PDSS2: variants seen among roughly 807,000 people sequenced by gnomAD.
PDSS2 encodes all trans-polyprenyl-diphosphate synthase PDSS2.
PDSS2 carries 31 observed loss-of-function variants against 44.5 expected under a neutral mutation model. The observed-to-expected ratio is 0.70, with a 90% confidence interval of 0.52 to 0.94. PDSS2 has a LOEUF of 0.94. Among genes scored for constraint, PDSS2 ranks in the 40% least tolerant of loss-of-function variants. The pLI is 0.00. For synonymous variants in PDSS2, 157 were observed against 180.3 expected (o/e 0.87, Z 1.03); for missense variants, 452 against 482.2 (o/e 0.94, Z 0.59).
chr6:107,444,937 G>T (rs181312857), intron 1 of PDSS2, among the ~76,000 whole-genome samples: 296 of 152,174 alleles, frequency 1.9e-3, no homozygotes, highest in African/African-American at 6.7e-3. Flanking sequence ...GAAGGCAAAA[G>T]CAAAAGGAGT....
At chr6:107,282,237 C>T (rs1054212440) in intron 2 of PDSS2, among the ~76,000 whole-genome samples, 1 of 152,254 alleles carries the variant, frequency 6.6e-6, no homozygotes, top group South Asian at 2.1e-4. Context: ...TAGGGCATCA[C>T]TATCATTCTT....
chr6:107,209,527 T>G (rs1402763335), intron 6 of PDSS2, among the ~76,000 whole-genome samples: 1 of 151,554 alleles, frequency 6.6e-6, no homozygotes, highest in Non-Finnish European at 1.5e-5. Flanking sequence ...AGGAGGGAAA[T>G]CTTTCAGAAC....
intron 7 of PDSS2, among the ~76,000 whole-genome samples, chr6:107,178,608 T>C (rs1771871660): frequency 6.6e-6 from 1 of 152,234 alleles, no homozygotes; most frequent in Non-Finnish European, 1.5e-5. Flanking sequence ...ACCAGAATTA[T>C]GTTAGATTAT....
At chr6:107,213,543 G>A (rs368120890) in intron 4 of PDSS2, among the ~76,000 whole-genome samples, 12 of 152,100 alleles carry the variant, frequency 7.9e-5, no homozygotes, top group Admixed American at 7.8e-4. Context: ...GGTGGATCAC[G>A]AGGTCAGGAG....
intron 1 of PDSS2, among the ~76,000 whole-genome samples, chr6:107,420,990 T>A (rs1780806597): frequency 6.6e-6 from 1 of 152,094 alleles, no homozygotes; most frequent in Non-Finnish European, 1.5e-5. Flanking sequence ...TTCTCTAAAC[T>A]CCGCAGTAAG....
At chr6:107,276,185 A>C (rs1040718673) in intron 2 of PDSS2, among the ~76,000 whole-genome samples, 2 of 151,988 alleles carry the variant, frequency 1.3e-5, no homozygotes, top group Non-Finnish European at 2.9e-5. Context: ...AATGGAGAAG[A>C]GTGGATTCGA....
At chr6:107,408,756 A>G (rs1183547656) in intron 1 of PDSS2, among the ~76,000 whole-genome samples, 1 of 152,198 alleles carries the variant, frequency 6.6e-6, no homozygotes, top group Non-Finnish European at 1.5e-5. Flanking sequence ...TTTTCAAAAG[A>G]GGCTAGAAAT....
Position 107,429,901 on chromosome 6 carries a change from A to AAAAAAAATAT in PDSS2, c.296+29088_296+29089insATATTTTTTT, listed in dbSNP as rs1166637352. 2.2e-3 allele frequency among the ~76,000 whole-genome samples: 71 copies of AAAAAAAATAT among 31,784 alleles called. 1 individual carries two copies. Among genetic ancestry groups the AAAAAAAATAT allele is most frequent in the Middle Eastern group, 0.016 (1 of 62 alleles). 20.9% of individuals were successfully genotyped at this position (31,784 alleles called of 152,430 possible). A position where few individuals can be genotyped will look rare whatever the true frequency, so the allele number is the denominator to read the frequency against. ...CTTAGTCTCAAAAAAAAAAAAAAAA[A>AAAAAAAATAT]ATATATATATATATATATATATATA... On this transcript the variant is annotated intron_variant, in intron 1 of 7. Coordinates refer to ENST00000369037, the MANE Select transcript of PDSS2 (RefSeq NM_020381.4).
In PDSS2 at chr6:107,212,284, T is replaced by TA. The variant is rs1562379259; in HGVS notation, c.703-3dup. ...AATATCATCTGTGATATAACTTTCC[T>TA]AAAAATGTAACAAAAGCCAAGATAA... On this transcript the variant is annotated splice_region_variant and splice_polypyrimidine_tract_variant and intron_variant, in intron 4 of 7. Transcript: ENST00000369037. 1.2e-6 allele frequency: 2 copies of TA among 1,607,612 alleles called. No homozygotes were observed. The highest frequency in any genetic ancestry group is 1.7e-5 in the Admixed American group (1 of 59,520).
At chr6:107,173,980 A>G (rs1316801494) in intron 7 of PDSS2, among the ~76,000 whole-genome samples, 1 of 152,226 alleles carries the variant, frequency 6.6e-6, no homozygotes, top group Non-Finnish European at 1.5e-5. Context: ...TAGGTACAAA[A>G]AAATGCAAAT....
chr6:107,388,468 A>G (rs1406706660), intron 1 of PDSS2, among the ~76,000 whole-genome samples: 7 of 104,742 alleles, frequency 6.7e-5, no homozygotes, highest in African/African-American at 2.9e-4. Context: ...TTTTTTTTTG[A>G]GACGGAGTCT....
At chr6:107,294,467 A>C (rs1336160800) in intron 2 of PDSS2, among the ~76,000 whole-genome samples, 1 of 151,954 alleles carries the variant, frequency 6.6e-6, no homozygotes, top group Non-Finnish European at 1.5e-5. Context: ...GGCTGGTCTT[A>C]AACTGCTGGC....
chr6:107,282,455 T>A (rs888176562), intron 2 of PDSS2, among the ~76,000 whole-genome samples: 2 of 152,034 alleles, frequency 1.3e-5, no homozygotes, highest in African/African-American at 4.8e-5. Flanking sequence ...TACAGTGGCG[T>A]GACCATGGCT....
chr6:107,225,626 G>A (rs532971770), intron 4 of PDSS2, among the ~76,000 whole-genome samples: 21 of 152,146 alleles, frequency 1.4e-4, no homozygotes, highest in African/African-American at 3.4e-4. Flanking sequence ...GATGAAGTTC[G>A]TGATTAGAAT....
At chr6:107,264,558 C>T in intron 3 of PDSS2, 1 of 1,143,004 alleles carries the variant, frequency 8.7e-7, no homozygotes, top group Non-Finnish European at 1.3e-6. Context: ...TCTTTAAATA[C>T]TAGGCTTATC....
intron 2 of PDSS2, among the ~76,000 whole-genome samples, chr6:107,312,261 C>A (rs527798875): frequency 2.0e-5 from 3 of 152,324 alleles, no homozygotes; most frequent in Admixed American, 2.0e-4. Context: ...CCCAGAAATA[C>A]CCTTGCTACC....
In PDSS2 at chr6:107,305,395, G is replaced by GT. The variant is rs555486417; in HGVS notation, c.431+28802dup. Among the ~76,000 whole-genome samples the GT allele has an allele frequency of 4.0e-3, 603 of 152,116 alleles. 4 individuals are homozygous for GT. The highest frequency in any genetic ancestry group is 0.014 in the Middle Eastern group (4 of 294). ...TCAGAACCTTTCTCTGGGAAGAACC[G>GT]TAAGTCATTTACGCTTTAGGGTGAG... is the stretch of plus-strand genomic sequence containing the variant. On this transcript the variant is annotated intron_variant, in intron 2 of 7. Transcript: ENST00000369037.
At position 107,201,985 on chromosome 6, in the gene PDSS2, C is replaced by A. The variant is rs537492363; in HGVS notation, c.1009-8131G>T. Among the ~76,000 whole-genome samples the A allele has an allele frequency of 4.7e-4, 71 of 152,198 alleles. 2 individuals are homozygous for A. The highest frequency in any genetic ancestry group is 1.7e-3 in the African/African-American group (69 of 41,528). Reference sequence around the variant, plus strand: ...AAGTTTTAGACATAAGGATGCTCACCCCTAGATACTTCAGCATTTGTCCCT... The same window carrying A: ...AAGTTTTAGACATAAGGATGCTCACACCTAGATACTTCAGCATTTGTCCCT... On this transcript the variant is annotated intron_variant, in intron 6 of 7. Coordinates refer to ENST00000369037, the MANE Select transcript of PDSS2 (RefSeq NM_020381.4).
At chr6:107,225,159 ATATTTTTTTTT>A (rs1302287540) in intron 4 of PDSS2, among the ~76,000 whole-genome samples, 3 of 46,628 alleles carry the variant, frequency 6.4e-5, no homozygotes, top group African/African-American at 5.5e-4. Context: ...ATATATATAT[ATATTTTTTTTT>A]TTTTTTTTTT....
Sources: gnomAD v4.1 joint callset for allele counts (sites outside exome capture counted in the v4.1 genomes callset) on GRCh38, gnomAD v4.1.1 for gene constraint, MANE v1.5 for transcripts, NCBI Gene and HGNC (gene_info 2026-07-23, HGNC 2026-07-21) for gene names.